Variants in BLTP1 observed in about 807,000 individuals in gnomAD.
The protein encoded by BLTP1 is bridge-like lipid transfer protein family member 1.
chr4:122,171,202 T>A, the BLTP1 span, among the ~76,000 whole-genome samples: 1 of 152,218 alleles, frequency 6.6e-6, no homozygotes, highest in Non-Finnish European at 1.5e-5. Flanking sequence ...CTGCTATTAA[T>A]AATTTTTTGG....
At chr4:122,228,133 T>G in the BLTP1 span, among the ~76,000 whole-genome samples, 8 of 152,082 alleles carry the variant, frequency 5.3e-5, no homozygotes, top group Non-Finnish European at 1.0e-4. Context: ...CAGGATGGTC[T>G]TGATCTCCTG....
chr4:122,180,206 C>T, the BLTP1 span: 1 of 983,504 alleles, frequency 1.0e-6, no homozygotes. Context: ...AATATTGTGA[C>T]TTAAGGCAAG....
chr4:122,156,977 A>G, the BLTP1 span, among the ~76,000 whole-genome samples: 2 of 152,188 alleles, frequency 1.3e-5, no homozygotes, highest in East Asian at 3.9e-4. Context: ...ACTCTGACTT[A>G]TGGTAGAAAG....
the BLTP1 span, chr4:122,169,923 ATAATAT>A: frequency 3.0e-6 from 3 of 984,998 alleles, no homozygotes; most frequent in Non-Finnish European, 3.6e-6. Context: ...GCTTAATATG[ATAATAT>A]TAAGTGGTGG....
the BLTP1 span, chr4:122,238,018 A>G: frequency 8.9e-6 from 12 of 1,341,530 alleles, no homozygotes; most frequent in Non-Finnish European, 1.2e-5. Context: ...TTAAAAATGG[A>G]TTAGATTGCC....
At chr4:122,172,514 T>C in the BLTP1 span, 2 of 189,550 alleles carry the variant, frequency 1.1e-5, no homozygotes, top group Admixed American at 1.3e-4. Flanking sequence ...CAGCAAAATA[T>C]CTAGTTACAG....
At chr4:122,298,559 A>T in the BLTP1 span, 7 of 502,432 alleles carry the variant, frequency 1.4e-5, no homozygotes, top group African/African-American at 2.1e-5. Flanking sequence ...TTCCATAGTT[A>T]CTTATTCAGA....
the BLTP1 span, chr4:122,207,596 G>T: frequency 1.2e-6 from 2 of 1,604,972 alleles, no homozygotes; most frequent in Non-Finnish European, 1.7e-6. Flanking sequence ...TGCCTTTTAC[G>T]GACTTTGTTC....
the BLTP1 span, among the ~76,000 whole-genome samples, chr4:122,332,688 A>T: frequency 4.3e-5 from 6 of 139,832 alleles, no homozygotes; most frequent in Non-Finnish European, 6.1e-5. Flanking sequence ...TGTGCAGGTT[A>T]GTTACATATG....
At chr4:122,279,754 G>C in the BLTP1 span, 45 of 1,603,972 alleles carry the variant, frequency 2.8e-5, no homozygotes, top group Admixed American at 1.2e-4. Flanking sequence ...TATTTTAATA[G>C]TCTTCTTTCT....
chr4:122,309,294 G>C, the BLTP1 span: 1 of 1,612,868 alleles, frequency 6.2e-7, no homozygotes, highest in Non-Finnish European at 8.5e-7. Flanking sequence ...CTTGACACTG[G>C]TTCTGCTTTG....
At chr4:122,298,900 G>A in the BLTP1 span, 5 of 985,332 alleles carry the variant, frequency 5.1e-6, no homozygotes, top group Non-Finnish European at 6.0e-6. Flanking sequence ...AATTGTGGGA[G>A]TATGAGGAAA....
the BLTP1 span, chr4:122,185,424 G>A: frequency 5.1e-6 from 5 of 985,260 alleles, no homozygotes; most frequent in Middle Eastern, 5.2e-4. Context: ...GTGATGCATT[G>A]TTTTAGATTA....
the BLTP1 span, chr4:122,189,166 T>C: frequency 2.4e-6 from 2 of 817,168 alleles, no homozygotes; most frequent in Non-Finnish European, 2.9e-6. Context: ...AAATTGTATT[T>C]TTCACTTAAG....
the BLTP1 span, chr4:122,264,196 A>G: frequency 5.3e-6 from 8 of 1,496,564 alleles, no homozygotes; most frequent in Non-Finnish European, 6.2e-6. Flanking sequence ...GTACACTTTT[A>G]TGTGTTTCTA....
At chr4:122,322,862 G>C in the BLTP1 span, among the ~76,000 whole-genome samples, 1 of 151,814 alleles carries the variant, frequency 6.6e-6, no homozygotes, top group Admixed American at 6.6e-5. Context: ...TTCTCCTAAG[G>C]GCATTTTTTC....
the BLTP1 span, chr4:122,299,635 A>G: frequency 5.5e-6 from 1 of 181,718 alleles, no homozygotes; most frequent in South Asian, 1.9e-4. Context: ...AATGTAAGAC[A>G]GTGGAAGCTT....
the BLTP1 span, chr4:122,279,824 C>G: frequency 1.9e-6 from 3 of 1,613,978 alleles, no homozygotes; most frequent in Non-Finnish European, 2.5e-6. Context: ...CTACAGTGCC[C>G]AAAGAGGGCT....
chr4:122,290,647 T>G, the BLTP1 span, among the ~76,000 whole-genome samples: 1 of 150,076 alleles, frequency 6.7e-6, no homozygotes, highest in African/African-American at 2.5e-5. Flanking sequence ...ATTAGCCTGG[T>G]GTGGTGGTGG....
Sources: gnomAD v4.1 joint callset for allele counts (sites outside exome capture counted in the v4.1 genomes callset) on GRCh38, gnomAD v4.1.1 for gene constraint, MANE v1.5 for transcripts, NCBI Gene and HGNC (gene_info 2026-07-23, HGNC 2026-07-21) for gene names.